PTH2R: variants seen among roughly 807,000 people sequenced by gnomAD.
PTH2R encodes parathyroid hormone 2 receptor.
Under a neutral mutation model 60.3 loss-of-function variants are expected in PTH2R, and 59 were observed. That is an observed-to-expected ratio of 0.98 (90% CI 0.79 to 1.22). PTH2R has a LOEUF of 1.22. Ranked by LOEUF, PTH2R falls within the 50% of genes most tolerant of loss-of-function variation. PTH2R has a pLI of 0.00. For synonymous variants in PTH2R, 256 were observed against 243.8 expected (o/e 1.05, Z -0.47); for missense variants, 749 against 682.6 (o/e 1.10, Z -1.08).
chr2:208,431,950 G>A (rs142136323), intron 2 of PTH2R, among the ~76,000 whole-genome samples: 2 of 152,300 alleles, frequency 1.3e-5, no homozygotes, highest in East Asian at 3.9e-4. Context: ...CATTAATATA[G>A]CCTTTGTAGG....
chr2:208,434,629 A>AT (rs1702038322), intron 2 of PTH2R, among the ~76,000 whole-genome samples: 1 of 152,190 alleles, frequency 6.6e-6, no homozygotes, highest in African/African-American at 2.4e-5. Context: ...TTTTGGAGGG[A>AT]TATCTAATTA....
chr2:208,405,226 A>G (rs563006924), upstream of PTH2R, among the ~76,000 whole-genome samples: 12 of 152,336 alleles, frequency 7.9e-5, 3 homozygotes, highest in African/African-American at 2.9e-4. Context: ...TATTTATTTA[A>G]TGTTTGAAAC....
intron 4 of PTH2R, among the ~76,000 whole-genome samples, chr2:208,440,237 A>G (rs1191041110): frequency 6.6e-6 from 1 of 152,204 alleles, no homozygotes. Flanking sequence ...CCTGGGCAAC[A>G]TAGGGAGATG....
intron 9 of PTH2R, among the ~76,000 whole-genome samples, chr2:208,477,959 T>C (rs1034204569): frequency 2.0e-4 from 5 of 25,052 alleles, no homozygotes; most frequent in African/African-American, 3.9e-4. Flanking sequence ...CTAGCACTAC[T>C]ACTAGTACTA....
intron 1 of PTH2R, among the ~76,000 whole-genome samples, chr2:208,388,143 C>CT (rs1553540982): frequency 1.3e-5 from 2 of 148,858 alleles, no homozygotes; most frequent in African/African-American, 2.5e-5. Flanking sequence ...CCCCCCCCCC[C>CT]GTCTCTACTA....
chr2:208,366,006 AG>A (rs1700586895), intron 1 of PTH2R, among the ~76,000 whole-genome samples: 1 of 83,816 alleles, frequency 1.2e-5, no homozygotes, highest in Non-Finnish European at 2.1e-5. Context: ...TGCAGAGACA[AG>A]GTAGGTCTTG....
intron 9 of PTH2R, among the ~76,000 whole-genome samples, chr2:208,461,379 A>G (rs1559227225): frequency 6.6e-6 from 1 of 152,130 alleles, no homozygotes; most frequent in Non-Finnish European, 1.5e-5. Context: ...CCTTTCACTC[A>G]TTGGTATTTA....
At chr2:208,460,512 A>G (rs983660596) in intron 9 of PTH2R, among the ~76,000 whole-genome samples, 1 of 152,150 alleles carries the variant, frequency 6.6e-6, no homozygotes, top group Admixed American at 6.6e-5. Context: ...ATGGCAAAAA[A>G]CACAATTACT....
chr2:208,427,232 C>A (rs1051847351), intron 1 of PTH2R, among the ~76,000 whole-genome samples: 3 of 152,020 alleles, frequency 2.0e-5, no homozygotes, highest in East Asian at 1.9e-4. Flanking sequence ...CAGGAAAAAA[C>A]CAAAACAAAA....
At chr2:208,464,926 A>G (rs528718703) in intron 9 of PTH2R, among the ~76,000 whole-genome samples, 1 of 152,132 alleles carries the variant, frequency 6.6e-6, no homozygotes, top group African/African-American at 2.4e-5. Flanking sequence ...CATCCTAGCT[A>G]ACATTTATCT....
intron 1 of PTH2R, among the ~76,000 whole-genome samples, chr2:208,384,788 T>C (rs748462024): frequency 1.3e-5 from 2 of 152,210 alleles, no homozygotes; most frequent in Non-Finnish European, 2.9e-5. Context: ...TGTGGTCATC[T>C]AGGGAATGCC....
At position 208,442,411 on chromosome 2, in the gene PTH2R, C is replaced by T; in HGVS notation, c.459C>T (p.Ser153=). The change falls in exon 5 of 13, where the codon TCC becomes TCT. Residue 153 remains serine (S), a synonymous_variant. Transcript: ENST00000272847. The stretch of plus-strand genomic sequence containing the variant: ...ATGTAATGTATACCGTTGGCTACTC[C>T]ATCTCTTTTGGTTCCTTGGCTGTGG... The part of the protein sequence containing the change: ...RLYVMYTVGY[S]ISFGSLAVAI... 1 of 1,613,610 alleles carries T rather than the reference C, an allele frequency of 6.2e-7. No individual in the cohort carries two copies. The highest frequency in any genetic ancestry group is 8.5e-7 in the Non-Finnish European group (1 of 1,179,570).
intron 8 of PTH2R, among the ~76,000 whole-genome samples, chr2:208,458,586 C>A: frequency 6.6e-6 from 1 of 152,032 alleles, no homozygotes; most frequent in Non-Finnish European, 1.5e-5. Context: ...TTTTCTGCTC[C>A]TCTCCCTCCT....
intron 1 of PTH2R, among the ~76,000 whole-genome samples, chr2:208,408,943 T>C (rs975581571): frequency 4.6e-5 from 7 of 152,078 alleles, no homozygotes; most frequent in Non-Finnish European, 1.0e-4. Flanking sequence ...GTGGGTGTGT[T>C]GTCCTGTATA....
chr2:208,451,014 G>A (rs1702397264), intron 8 of PTH2R, among the ~76,000 whole-genome samples: 1 of 152,036 alleles, frequency 6.6e-6, no homozygotes, highest in Non-Finnish European at 1.5e-5. Flanking sequence ...AACACTCGCA[G>A]ACTAGATGAA....
At chr2:208,435,833 C>A (rs1702064720) in intron 2 of PTH2R, among the ~76,000 whole-genome samples, 1 of 152,190 alleles carries the variant, frequency 6.6e-6, no homozygotes, top group Non-Finnish European at 1.5e-5. Context: ...AGAGAAAAAA[C>A]AAATTTCTGT....
rs55709644 is a variant in PTH2R, at chr2:208,447,606, AAAATAAATAAAT to A, written c.853+2746_853+2757del. On this transcript the variant is annotated intron_variant, in intron 7 of 12. Transcript: ENST00000272847. ...CCATCTCAAAAAAAAAACAAAAAGA[AAAATAAATAAAT>A]AAATAAATAAATAAATAAATAAATA... Among the ~76,000 whole-genome samples the A allele has an allele frequency of 7.7e-3, 1,085 of 140,238 alleles. 12 individuals are homozygous for A. Among genetic ancestry groups the A allele is most frequent in the African/African-American group, 0.025 (970 of 38,314 alleles). The allele number at this position is 140,238 out of a possible 152,430, so 92.0% of individuals were successfully genotyped here.
At chr2:208,466,015 A>G (rs1452684844) in intron 9 of PTH2R, among the ~76,000 whole-genome samples, 3 of 152,130 alleles carry the variant, frequency 2.0e-5, no homozygotes, top group African/African-American at 7.2e-5. Context: ...CTTTGTTTCC[A>G]TGCATTTATA....
intron 9 of PTH2R, among the ~76,000 whole-genome samples, chr2:208,465,840 T>C (rs1312991534): frequency 1.3e-5 from 2 of 152,178 alleles, no homozygotes; most frequent in Non-Finnish European, 2.9e-5. Flanking sequence ...ATTTACTGTA[T>C]GATAAAAGTG....
Sources: allele counts gnomAD v4.1 joint callset (sites outside exome capture counted in the v4.1 genomes callset), GRCh38; gene constraint gnomAD v4.1.1; transcripts MANE v1.5; gene names NCBI Gene and HGNC (gene_info 2026-07-23, HGNC 2026-07-21).